COL28A1: variants seen among roughly 807,000 people sequenced by gnomAD.
The protein encoded by COL28A1 is collagen type XXVIII alpha 1 chain.
A neutral mutation model predicts 150.2 loss-of-function variants in COL28A1; 161 were observed. The ratio of observed to expected loss-of-function variants is 1.07; its 90% confidence interval spans 0.94 to 1.22. COL28A1 has a LOEUF of 1.22. Among genes scored for constraint, COL28A1 ranks in the 50% most tolerant of loss-of-function variants. The pLI, the probability that COL28A1 is intolerant of heterozygous loss-of-function variation, is 0.00. For synonymous variants in COL28A1, 552 were observed against 469.7 expected (o/e 1.18, Z -2.26); for missense variants, 1,617 against 1,388.3 (o/e 1.16, Z -2.62).
At chr7:7,453,623 G>T in intron 16 of COL28A1, 115 bp from the exon 17 acceptor site, 1 of 646,920 alleles carries the variant, frequency 1.5e-6, no homozygotes, top group Non-Finnish European at 2.6e-6. Context: ...ATAAGCATTT[G>T]TGGAGTGGGG....
intron 3 of COL28A1, among the ~76,000 whole-genome samples, chr7:7,529,898 C>G (rs1004606999): frequency 5.9e-5 from 9 of 152,078 alleles, no homozygotes; most frequent in Non-Finnish European, 1.0e-4. Context: ...CCCTTTCATG[C>G]AAAAGAGCTG....
At chr7:7,381,196 G>T (rs1206662227) in intron 28 of COL28A1, among the ~76,000 whole-genome samples, 1 of 152,070 alleles carries the variant, frequency 6.6e-6, no homozygotes, top group African/African-American at 2.4e-5. Context: ...TTGTAAGTAT[G>T]TTGTAAGATA....
intron 13 of COL28A1, among the ~76,000 whole-genome samples, chr7:7,480,609 G>A (rs1016141779): frequency 5.3e-5 from 8 of 151,612 alleles, no homozygotes; most frequent in Admixed American, 5.3e-4. Flanking sequence ...CTAATAATAT[G>A]ACAAATGAAA....
intron 5 of COL28A1, 134 bp downstream of exon 5, chr7:7,521,771 G>A (rs888740886): frequency 3.0e-6 from 2 of 664,122 alleles, no homozygotes; most frequent in Non-Finnish European, 5.5e-6. Flanking sequence ...GAAAGAAGTA[G>A]CATTTCCATT....
chr7:7,439,394 C>A (rs954000548), intron 21 of COL28A1, among the ~76,000 whole-genome samples: 1 of 152,118 alleles, frequency 6.6e-6, no homozygotes, highest in East Asian at 1.9e-4. Context: ...GACAAAGGAA[C>A]AGAACATGAA....
chr7:7,416,855 C>A (rs1024734640), intron 27 of COL28A1, among the ~76,000 whole-genome samples: 5 of 152,170 alleles, frequency 3.3e-5, no homozygotes, highest in African/African-American at 1.2e-4. Context: ...TTCACATTAT[C>A]TTAAGCTCCT....
chr7:7,354,816 C>T (rs367702528), downstream of COL28A1, among the ~76,000 whole-genome samples: 1 of 152,132 alleles, frequency 6.6e-6, no homozygotes. Flanking sequence ...GAATGTAACC[C>T]AGCAGGTTTG....
At chr7:7,375,591 C>A in intron 30 of COL28A1, 94 bp from the exon 31 acceptor site, 3 of 695,742 alleles carry the variant, frequency 4.3e-6, no homozygotes, top group Non-Finnish European at 6.4e-6. Context: ...CAGCACTGGA[C>A]CATTTGATTT....
intron 18 of COL28A1, among the ~76,000 whole-genome samples, chr7:7,445,405 G>A (rs1412623346): frequency 1.3e-5 from 2 of 152,150 alleles, no homozygotes; most frequent in Non-Finnish European, 2.9e-5. Context: ...ACAGGTTTTG[G>A]AAGAAGCATA....
intron 16 of COL28A1, among the ~76,000 whole-genome samples, chr7:7,454,917 CT>C (rs1018770020): frequency 3.9e-4 from 59 of 152,068 alleles, no homozygotes; most frequent in African/African-American, 1.4e-3. Context: ...TCTTCTGTAC[CT>C]TAAGATTCCT....
At chr7:7,421,284 G>A (rs1583332136) in intron 25 of COL28A1, among the ~76,000 whole-genome samples, 1 of 152,162 alleles carries the variant, frequency 6.6e-6, no homozygotes. Flanking sequence ...ATTAGTCACT[G>A]CCAGGGGCCA....
At chr7:7,412,613 T>A (rs1783852967) in intron 27 of COL28A1, among the ~76,000 whole-genome samples, 1 of 152,212 alleles carries the variant, frequency 6.6e-6, no homozygotes, top group South Asian at 2.1e-4. Context: ...TTACACATAC[T>A]ATCTAATTTC....
chr7:7,340,533 C>A, the COL28A1 span, among the ~76,000 whole-genome samples: 2 of 152,096 alleles, frequency 1.3e-5, no homozygotes, highest in Non-Finnish European at 2.9e-5. Flanking sequence ...AATGTAACCT[C>A]TTAGCAGGGA....
intron 13 of COL28A1, among the ~76,000 whole-genome samples, chr7:7,481,704 T>C (rs1779332648): frequency 6.6e-6 from 1 of 152,242 alleles, no homozygotes; most frequent in Non-Finnish European, 1.5e-5. Flanking sequence ...ATTATGTTCA[T>C]CTTATTACTT....
intron 34 of COL28A1, among the ~76,000 whole-genome samples, chr7:7,359,209 A>G (rs1018935620): frequency 1.3e-5 from 2 of 151,870 alleles, no homozygotes; most frequent in African/African-American, 2.4e-5. Flanking sequence ...TTCTGTACAC[A>G]TTTCCTCCCA....
chr7:7,480,731 A>G (rs1321021811), intron 13 of COL28A1, among the ~76,000 whole-genome samples: 1 of 152,206 alleles, frequency 6.6e-6, no homozygotes, highest in African/African-American at 2.4e-5. Flanking sequence ...GCATTGTGCT[A>G]GGTTCTAGGG....
intron 4 of COL28A1, among the ~76,000 whole-genome samples, chr7:7,523,440 G>A (rs192857948): frequency 1.5e-4 from 23 of 151,740 alleles, no homozygotes; most frequent in African/African-American, 5.3e-4. Flanking sequence ...TTACAGGCGT[G>A]AGCGACCATG....
At chr7:7,360,569 A>C in intron 33 of COL28A1, 41 bp from the exon 34 acceptor site, 1 of 1,562,430 alleles carries the variant, frequency 6.4e-7, no homozygotes, top group Non-Finnish European at 8.6e-7. Flanking sequence ...TGATAATATC[A>C]AGTAAAAAAA....
chr7:7,341,704 A>G, the COL28A1 span, among the ~76,000 whole-genome samples: 2 of 152,132 alleles, frequency 1.3e-5, no homozygotes, highest in Non-Finnish European at 2.9e-5. Flanking sequence ...TGAATTTTTA[A>G]TGACTCATGA....
Sources: gnomAD v4.1 joint callset for allele counts (sites outside exome capture counted in the v4.1 genomes callset) on GRCh38, gnomAD v4.1.1 for gene constraint, MANE v1.5 for transcripts, NCBI Gene and HGNC (gene_info 2026-07-23, HGNC 2026-07-21) for gene names.